Variants in HECW2 observed in about 807,000 individuals in gnomAD.
HECW2 encodes HECT, C2 and WW domain containing E3 ubiquitin protein ligase 2.
In HECW2, 61 loss-of-function variants were observed where a neutral mutation model predicts 175.2. The ratio of observed to expected loss-of-function variants is 0.35; its 90% CI spans 0.28 to 0.43. The LOEUF (loss-of-function observed/expected upper bound fraction) is 0.43. HECW2 is among the 20% of genes least tolerant of loss of function. HECW2 has a pLI of 1.00. For synonymous variants in HECW2, 671 were observed against 731.0 expected (o/e 0.92, Z 1.32); for missense variants, 1,524 against 2,000.5 (o/e 0.76, Z 4.54).
rs1157468462 is a variant in HECW2 at position 196,200,985 on chromosome 2, T to C, written c.*292A>G. 3.5e-6 allele frequency: 1 copy of C among 284,428 alleles called. No homozygotes were observed. Among genetic ancestry groups the C allele is most frequent in the Non-Finnish European group, 7.0e-6 (1 of 143,776 alleles). 17.6% of individuals were successfully genotyped at this position (284,428 alleles called of 1,614,324 possible). A position where few individuals can be genotyped will look rare whatever the true frequency, so the allele number is the denominator to read the frequency against. The stretch of plus-strand genomic sequence containing the variant: ...CTAAAAATTACCGTGGAGCTGATCA[T>C]GTATGGGTTCATCTTTGTCTTGGAA... On this transcript the variant is annotated 3_prime_UTR_variant, in exon 29 of 29. Coordinates refer to ENST00000644978, the MANE Select transcript of HECW2 (RefSeq NM_001348768.2).
Position 196,397,098 on chromosome 2 carries a change from C to T in HECW2, c.292+36034G>A, listed in dbSNP as rs189375698. On this transcript the variant is annotated intron_variant, in intron 2 of 28. Transcript: ENST00000644978. ...CTGCACTCCAGCCTGGGGGACAGAG[C>T]GAGACTCCGTCTCAACAAAACAAAA... Among the ~76,000 whole-genome samples the T allele has an allele frequency of 2.1e-3, 318 of 150,996 alleles. 1 individual carries two copies. Among genetic ancestry groups the T allele is most frequent in the African/African-American group, 7.1e-3 (292 of 40,994 alleles).
At chr2:196,490,625 T>C (rs1687153282) in intron 1 of HECW2, among the ~76,000 whole-genome samples, 1 of 152,122 alleles carries the variant, frequency 6.6e-6, no homozygotes, top group Non-Finnish European at 1.5e-5. Context: ...AATAAAAACA[T>C]ATGTTCACCC....
chr2:196,451,236 C>G (rs563636758), intron 1 of HECW2, among the ~76,000 whole-genome samples: 1 of 151,484 alleles, frequency 6.6e-6, no homozygotes, highest in South Asian at 2.1e-4. Context: ...GAGATCAAGA[C>G]CAGCCTGACC....
chr2:196,433,218 G>T lies in HECW2; in HGVS notation c.206C>A (p.Thr69Lys), dbSNP rs781563489. Residue 69 changes from threonine (T) to lysine (K), a missense_variant, in exon 2 of 29, where the codon ACG becomes AAG. By Grantham distance (78) the Thr-to-Lys change is moderately conservative. Transcript: ENST00000644978. ...SSLTASMYEY[T>K]LGQAQNLIIF... ...AATGAGGTTCTGGGCTTGCCCCAGCGTGTACTCGTACATGCTGGCAGTTAA... is the reference window on the plus strand; with the variant it reads ...AATGAGGTTCTGGGCTTGCCCCAGCTTGTACTCGTACATGCTGGCAGTTAA... The T allele has an allele frequency of 6.2e-7, 1 of 1,613,968 alleles. No individual in the cohort carries two copies. Among genetic ancestry groups the T allele is most frequent in the South Asian group, 1.1e-5 (1 of 91,066 alleles).
rs113655151 is a variant in HECW2 at position 196,561,286 on chromosome 2, G to T, written c.-36+32222C>A. 6.6e-4 allele frequency among the ~76,000 whole-genome samples: 101 copies of T among 152,324 alleles called. 3 individuals carry two copies. Among genetic ancestry groups the T allele is most frequent in the African/African-American group, 2.0e-3 (83 of 41,574 alleles). On this transcript the variant is annotated intron_variant, in intron 1 of 28. Coordinates refer to ENST00000644978, the MANE Select transcript of HECW2 (RefSeq NM_001348768.2). ...TCCTGCAGTGCCGCCAGGCTTGCTA[G>T]GATTAGGAAATTCCAGCCTGGCAAA...
chr2:196,251,094 C>G (rs1413108495), intron 19 of HECW2, among the ~76,000 whole-genome samples: 2 of 152,086 alleles, frequency 1.3e-5, no homozygotes, highest in East Asian at 3.9e-4. Flanking sequence ...GGCTGGAGTG[C>G]AGTGGCATGA....
Position 196,201,449 on chromosome 2 carries a change from G to GGGGT in HECW2, c.4608-62_4608-61insACCC, listed in dbSNP as rs1686855490. Reference sequence around the variant, plus strand: ...GGCCGAGTGAAATGAAAATGTGTGTGGTGTGTGTGTGTGTGTGTGTCTGTG... The same window carrying GGGGT: ...GGCCGAGTGAAATGAAAATGTGTGTGGGGTGTGTGTGTGTGTGTGTGTGTCTGTG... On this transcript the variant is annotated intron_variant, in intron 28 of 28. Transcript: ENST00000644978. 41 of 1,000,940 alleles carry GGGGT rather than the reference G, an allele frequency of 4.1e-5. No individual in the cohort carries two copies. In the South Asian group the frequency reaches 4.5e-4, roughly 11 times the overall value. The allele number at this position is 1,000,940 out of a possible 1,614,324, so 62.0% of individuals were successfully genotyped here. A position where few individuals can be genotyped will look rare whatever the true frequency, so the allele number is the denominator to read the frequency against.
intron 23 of HECW2, among the ~76,000 whole-genome samples, chr2:196,223,910 G>A (rs1203797837): frequency 8.5e-5 from 13 of 152,168 alleles, no homozygotes; most frequent in Admixed American, 5.9e-4. Flanking sequence ...ATCAGGAAAT[G>A]GTTTTATTGG....
intron 15 of HECW2, among the ~76,000 whole-genome samples, chr2:196,277,001 A>C (rs1472926952): frequency 6.6e-6 from 1 of 152,228 alleles, no homozygotes; most frequent in Non-Finnish European, 1.5e-5. Context: ...TAGACACAGA[A>C]AAGGCATGTA....
intron 2 of HECW2, among the ~76,000 whole-genome samples, chr2:196,429,001 T>C (rs1458500744): frequency 6.6e-6 from 1 of 152,218 alleles, no homozygotes; most frequent in Non-Finnish European, 1.5e-5. Context: ...TCTTGATTGA[T>C]GCCTCATGAT....
intron 1 of HECW2, among the ~76,000 whole-genome samples, chr2:196,475,661 G>A (rs1337169035): frequency 6.6e-6 from 1 of 152,172 alleles, no homozygotes; most frequent in Non-Finnish European, 1.5e-5. Context: ...TAAATTCAGT[G>A]AAAAGACAGG....
intron 14 of HECW2, 73 bp downstream of exon 14, chr2:196,292,492 G>T: frequency 1.5e-6 from 2 of 1,295,174 alleles, no homozygotes; most frequent in South Asian, 2.6e-5. Context: ...CACTTGAAGG[G>T]TAGGGCCAAG....
intron 24 of HECW2, 55 bp from the exon 25 acceptor site, chr2:196,220,996 C>T (rs1167027753): frequency 1.9e-6 from 3 of 1,551,514 alleles, no homozygotes; most frequent in Non-Finnish European, 2.7e-6. Context: ...AATGTTATAA[C>T]AACATTACTA....
At chr2:196,269,785 T>A (rs1409544883) in intron 17 of HECW2, among the ~76,000 whole-genome samples, 1 of 152,226 alleles carries the variant, frequency 6.6e-6, no homozygotes, top group Non-Finnish European at 1.5e-5. Flanking sequence ...GACAATGTGA[T>A]ACATTTCATG....
At chr2:196,255,577 T>G (rs1689024589) in intron 18 of HECW2, among the ~76,000 whole-genome samples, 1 of 152,246 alleles carries the variant, frequency 6.6e-6, no homozygotes, top group Non-Finnish European at 1.5e-5. Context: ...GCGTTTATTC[T>G]GAATTGAATA....
At chr2:196,538,155 C>T (rs576742031) in intron 1 of HECW2, among the ~76,000 whole-genome samples, 1 of 152,338 alleles carries the variant, frequency 6.6e-6, no homozygotes, top group East Asian at 1.9e-4. Flanking sequence ...GATTGCTCCC[C>T]TGTAACCTCT....
chr2:196,268,842 G>A (rs1477584862), intron 17 of HECW2, among the ~76,000 whole-genome samples: 1 of 152,156 alleles, frequency 6.6e-6, no homozygotes, highest in Non-Finnish European at 1.5e-5. Flanking sequence ...TTGCTTTGAG[G>A]TCTAGGATTG....
intron 13 of HECW2, among the ~76,000 whole-genome samples, chr2:196,303,256 G>A (rs928584612): frequency 2.0e-5 from 3 of 152,212 alleles, no homozygotes; most frequent in African/African-American, 4.8e-5. Context: ...GCATCCTGGG[G>A]ATAAAGTCAA....
intron 1 of HECW2, among the ~76,000 whole-genome samples, chr2:196,531,547 A>C (rs1430971644): frequency 6.6e-6 from 1 of 151,996 alleles, no homozygotes; most frequent in Admixed American, 6.6e-5. Flanking sequence ...CGGTAATCCC[A>C]GCTACTCAGG....
Sources: allele counts gnomAD v4.1 joint callset (sites outside exome capture counted in the v4.1 genomes callset), GRCh38; gene constraint gnomAD v4.1.1; transcripts MANE v1.5; gene names NCBI Gene and HGNC (gene_info 2026-07-23, HGNC 2026-07-21).